PLCE1: variants seen among roughly 807,000 people sequenced by gnomAD.
The protein encoded by PLCE1 is 1-phosphatidylinositol 4,5-bisphosphate phosphodiesterase epsilon-1.
A neutral mutation model predicts 242.8 loss-of-function variants in PLCE1; 119 were observed. That is an observed-to-expected ratio of 0.49 (90% CI 0.42 to 0.57). The LOEUF is 0.57. Among genes scored for constraint, PLCE1 ranks in the 20% least tolerant of loss-of-function variants. PLCE1 has a pLI of 0.00. For synonymous variants in PLCE1, 945 were observed against 1,017.4 expected (o/e 0.93, Z 1.35); for missense variants, 2,441 against 2,788.8 (o/e 0.88, Z 2.81).
At chr10:94,213,034 T>C (rs1286063603) in intron 4 of PLCE1, among the ~76,000 whole-genome samples, 2 of 152,202 alleles carry the variant, frequency 1.3e-5, no homozygotes, top group Non-Finnish European at 2.9e-5. Context: ...GCTGGGCCCT[T>C]GTTTGACTCC....
chr10:94,087,014 G>A (rs1437709063), intron 2 of PLCE1, among the ~76,000 whole-genome samples: 1 of 151,778 alleles, frequency 6.6e-6, no homozygotes, highest in Non-Finnish European at 1.5e-5. Flanking sequence ...CATAAATTCT[G>A]ATTAAAAAAA....
intron 24 of PLCE1, among the ~76,000 whole-genome samples, chr10:94,303,728 A>T (rs958489602): frequency 7.2e-5 from 11 of 152,210 alleles, no homozygotes; most frequent in African/African-American, 1.4e-4. Flanking sequence ...AAAATTTAGT[A>T]TAAAATAAGT....
intron 1 of PLCE1, among the ~76,000 whole-genome samples, chr10:93,999,068 G>A (rs1317535780): frequency 6.6e-6 from 1 of 152,046 alleles, no homozygotes; most frequent in Non-Finnish European, 1.5e-5. Context: ...GTGGCACATT[G>A]GTATTATTTA....
Position 94,258,863 on chromosome 10 carries a change from C to T in PLCE1, c.3618C>T (p.Phe1206=), listed in dbSNP as rs1416007601. 2 of 1,614,090 alleles carry T rather than the reference C, an allele frequency of 1.2e-6. No homozygotes were observed. Among genetic ancestry groups the T allele is most frequent in the South Asian group, 2.2e-5 (2 of 91,074 alleles). The change falls in exon 12 of 33, where the codon TTC becomes TTT. Residue 1206 remains phenylalanine, a synonymous_variant. Coordinates refer to ENST00000371380, the MANE Select transcript of PLCE1 (RefSeq NM_016341.4). ...GCGGCATGAAGGGATTTCAGAGCTT[C>T]ATGGTTTCAGATAGCAACATGAGTT... is the stretch of plus-strand genomic sequence containing the variant. ...IKGGMKGFQS[F]MVSDSNMSFV...
intron 1 of PLCE1, among the ~76,000 whole-genome samples, chr10:94,000,987 T>A (rs2060920352): frequency 6.6e-6 from 1 of 152,222 alleles, no homozygotes; most frequent in African/African-American, 2.4e-5. Flanking sequence ...ATACTGGGTC[T>A]ATGATACAGA....
chr10:94,234,234 G>A lies in PLCE1; in HGVS notation c.2136G>A (p.Glu712=). The change falls in exon 6 of 33, where the codon GAG becomes GAA. Residue 712 remains glutamate (E), a synonymous_variant. Transcript: ENST00000371380. ...CATTCTGTGGGGTGTTTCTGAAGGA[G>A]CTCTGTGAAGTGCTTGACGGCGCCT... ...VVPFCGVFLK[E]LCEVLDGASG... 1.9e-6 allele frequency: 3 copies of A among 1,614,138 alleles called. No homozygotes were observed. Among genetic ancestry groups the A allele is most frequent in the Non-Finnish European group, 2.5e-6 (3 of 1,179,994 alleles).
intron 3 of PLCE1, among the ~76,000 whole-genome samples, chr10:94,149,894 A>G (rs1259945933): frequency 1.5e-4 from 23 of 152,178 alleles, no homozygotes; most frequent in Non-Finnish European, 3.2e-4. Context: ...GTAATTAGAT[A>G]TGATTCACCA....
At chr10:94,180,481 C>T (rs2048278287) in intron 4 of PLCE1, among the ~76,000 whole-genome samples, 1 of 152,162 alleles carries the variant, frequency 6.6e-6, no homozygotes, top group Admixed American at 6.5e-5. Flanking sequence ...CCCTTCTTGG[C>T]TCTGAGGTTT....
chr10:93,999,248 A>G (rs2060887219), intron 1 of PLCE1, among the ~76,000 whole-genome samples: 1 of 152,206 alleles, frequency 6.6e-6, no homozygotes, highest in African/African-American at 2.4e-5. Flanking sequence ...TAAGCAATTT[A>G]TAGGTACTAA....
chr10:94,307,787 A>C (rs1455270360), intron 26 of PLCE1, among the ~76,000 whole-genome samples: 1 of 152,216 alleles, frequency 6.6e-6, no homozygotes, highest in Non-Finnish European at 1.5e-5. Flanking sequence ...CTCTCTTCAA[A>C]TATAGTCACA....
At chr10:94,319,864 C>CTTTTTTTTTTTTTGTTTTT (rs2053721738) in intron 29 of PLCE1, among the ~76,000 whole-genome samples, 1 of 92,914 alleles carries the variant, frequency 1.1e-5, no homozygotes, top group African/African-American at 3.7e-5. Flanking sequence ...CAAAGGTGCT[C>CTTTTTTTTTTTTTGTTTTT]TTTTTTTTTT....
chr10:94,157,283 T>C (rs1203963439), intron 3 of PLCE1, among the ~76,000 whole-genome samples: 1 of 152,142 alleles, frequency 6.6e-6, no homozygotes, highest in African/African-American at 2.4e-5. Flanking sequence ...CTCTTGCAAA[T>C]GTTGAATTAA....
chr10:94,066,606 A>G (rs1363008916), intron 2 of PLCE1, among the ~76,000 whole-genome samples: 1 of 152,088 alleles, frequency 6.6e-6, no homozygotes, highest in Non-Finnish European at 1.5e-5. Flanking sequence ...CATTCCTTGG[A>G]CGCTCCCCCT....
chr10:94,327,857 A>AACC (rs1208804788), intron 32 of PLCE1, 111 bp from the exon 33 acceptor site: 14 of 371,714 alleles, frequency 3.8e-5, no homozygotes, highest in Non-Finnish European at 6.8e-5. Context: ...CTCTTCCCCA[A>AACC]ACCTAGCCAC....
chr10:94,248,392 G>A (rs1266467432), intron 8 of PLCE1, among the ~76,000 whole-genome samples: 7 of 152,212 alleles, frequency 4.6e-5, no homozygotes, highest in Non-Finnish European at 8.8e-5. Flanking sequence ...CTTGAGGTCA[G>A]GAGTTCGAGA....
intron 5 of PLCE1, among the ~76,000 whole-genome samples, chr10:94,233,542 A>G (rs2050215559): frequency 6.6e-6 from 1 of 152,174 alleles, no homozygotes; most frequent in Non-Finnish European, 1.5e-5. Context: ...CCATATGCCT[A>G]TTTGTGTTTG....
chr10:94,207,890 C>A (rs1404390193), intron 4 of PLCE1, among the ~76,000 whole-genome samples: 1 of 151,912 alleles, frequency 6.6e-6, no homozygotes, highest in Non-Finnish European at 1.5e-5. Context: ...AAATTATAAT[C>A]CATTTGACTA....
intron 11 of PLCE1, among the ~76,000 whole-genome samples, chr10:94,256,523 A>T (rs1482474046): frequency 6.6e-6 from 1 of 152,016 alleles, no homozygotes; most frequent in African/African-American, 2.4e-5. Context: ...TCTTTGTACC[A>T]CTCTTGCAAC....
intron 4 of PLCE1, among the ~76,000 whole-genome samples, chr10:94,183,766 C>T (rs1008380752): frequency 1.3e-5 from 2 of 152,102 alleles, no homozygotes; most frequent in African/African-American, 4.8e-5. Context: ...TTACTCATGG[C>T]GGGAGGTGAA....
Sources: gnomAD v4.1 joint callset for allele counts (sites outside exome capture counted in the v4.1 genomes callset) on GRCh38, gnomAD v4.1.1 for gene constraint, MANE v1.5 for transcripts, NCBI Gene and HGNC (gene_info 2026-07-23, HGNC 2026-07-21) for gene names.